The following ABTB3 variants were observed in gnomAD, a reference collection of about 807,000 sequenced individuals.
ABTB3 encodes the protein ankyrin repeat and BTB domain containing 3.
At chr12:107,453,743 A>G in the ABTB3 span, among the ~76,000 whole-genome samples, 1 of 152,254 alleles carries the variant, frequency 6.6e-6, no homozygotes, top group East Asian at 1.9e-4. Flanking sequence ...TGGGAAGAGC[A>G]GTGAAGAGGC....
At chr12:107,655,825 C>T in the ABTB3 span, among the ~76,000 whole-genome samples, 44 of 152,248 alleles carry the variant, frequency 2.9e-4, no homozygotes, top group Non-Finnish European at 4.4e-5. Context: ...CAGGGTGTCT[C>T]TTGAGAAAAA....
the ABTB3 span, among the ~76,000 whole-genome samples, chr12:107,641,110 C>T: frequency 6.6e-6 from 1 of 152,134 alleles, no homozygotes; most frequent in South Asian, 2.1e-4. Context: ...AACTTCCTTC[C>T]AGGAAGTTTG....
At chr12:107,645,509 T>A in the ABTB3 span, among the ~76,000 whole-genome samples, 21,606 of 152,132 alleles carry the variant, frequency 0.14, 1,654 homozygotes, top group South Asian at 0.2. Context: ...CCAGACCTGT[T>A]CTCTTAAATC....
the ABTB3 span, among the ~76,000 whole-genome samples, chr12:107,551,914 G>A: frequency 1.3e-4 from 20 of 152,086 alleles, no homozygotes; most frequent in African/African-American, 2.9e-4. Flanking sequence ...CACCATGCCC[G>A]GCTAATTTTG....
At chr12:107,457,976 T>G in the ABTB3 span, among the ~76,000 whole-genome samples, 7 of 152,350 alleles carry the variant, frequency 4.6e-5, no homozygotes, top group African/African-American at 1.7e-4. Context: ...TCTTCCTTTG[T>G]AAAATAGGAA....
At chr12:107,366,421 A>G in the ABTB3 span, among the ~76,000 whole-genome samples, 5 of 151,898 alleles carry the variant, frequency 3.3e-5, no homozygotes, top group African/African-American at 9.7e-5. Flanking sequence ...AGAGTAAAAA[A>G]GGAAAAAACC....
the ABTB3 span, among the ~76,000 whole-genome samples, chr12:107,505,241 A>T: frequency 1.3e-5 from 2 of 152,224 alleles, no homozygotes; most frequent in African/African-American, 2.4e-5. Context: ...AATTAAAATT[A>T]ATCTGGGAAA....
the ABTB3 span, among the ~76,000 whole-genome samples, chr12:107,402,316 T>C: frequency 6.6e-6 from 1 of 152,206 alleles, no homozygotes; most frequent in African/African-American, 2.4e-5. Flanking sequence ...GCCTCTCATG[T>C]GGGCAAAGGA....
chr12:107,614,709 G>A, the ABTB3 span, among the ~76,000 whole-genome samples: 2 of 152,240 alleles, frequency 1.3e-5, no homozygotes, highest in Admixed American at 6.5e-5. Context: ...CAGAGGAGAA[G>A]TGAAGGAGTC....
At chr12:107,325,493 T>C in the ABTB3 span, among the ~76,000 whole-genome samples, 1 of 152,206 alleles carries the variant, frequency 6.6e-6, no homozygotes, top group Non-Finnish European at 1.5e-5. Flanking sequence ...TAGAGGGTGA[T>C]TTGGTTTTCT....
chr12:107,520,357 A>C, the ABTB3 span: 8 of 1,471,550 alleles, frequency 5.4e-6, no homozygotes, highest in Non-Finnish European at 6.3e-6. Flanking sequence ...GTTGGTTCCT[A>C]CATTGGCTTT....
At chr12:107,387,968 TC>T in the ABTB3 span, among the ~76,000 whole-genome samples, 1 of 137,764 alleles carries the variant, frequency 7.3e-6, no homozygotes, top group Non-Finnish European at 1.6e-5. Flanking sequence ...TTCTTCTTCT[TC>T]TTCTTTTTTT....
chr12:107,374,837 A>G, the ABTB3 span: 2 of 153,854 alleles, frequency 1.3e-5, no homozygotes, highest in Non-Finnish European at 2.9e-5. Context: ...AAATAAGCTA[A>G]TCAAAAAACC....
At chr12:107,585,835 C>T in the ABTB3 span, among the ~76,000 whole-genome samples, 4 of 152,166 alleles carry the variant, frequency 2.6e-5, no homozygotes, top group African/African-American at 9.7e-5. Context: ...ACAGGACATC[C>T]TCTGTGGCCA....
At chr12:107,405,193 G>A in the ABTB3 span, among the ~76,000 whole-genome samples, 1 of 152,182 alleles carries the variant, frequency 6.6e-6, no homozygotes, top group African/African-American at 2.4e-5. Context: ...AGCTCTAGAG[G>A]GCACTAGTCA....
the ABTB3 span, among the ~76,000 whole-genome samples, chr12:107,604,113 G>A: frequency 6.6e-6 from 1 of 152,018 alleles, no homozygotes; most frequent in East Asian, 1.9e-4. Flanking sequence ...AGCTTGCAGT[G>A]AGCCGAGATC....
chr12:107,469,066 G>T, the ABTB3 span, among the ~76,000 whole-genome samples: 1 of 152,196 alleles, frequency 6.6e-6, no homozygotes, highest in African/African-American at 2.4e-5. Flanking sequence ...GTGAGGGCTG[G>T]GTTAAGGGAT....
the ABTB3 span, among the ~76,000 whole-genome samples, chr12:107,489,136 T>G: frequency 6.6e-6 from 1 of 152,218 alleles, no homozygotes; most frequent in Non-Finnish European, 1.5e-5. Flanking sequence ...ATAGTGCTGA[T>G]GAAGGTGTGG....
At chr12:107,632,032 G>T in the ABTB3 span, among the ~76,000 whole-genome samples, 1 of 152,126 alleles carries the variant, frequency 6.6e-6, no homozygotes, top group Admixed American at 6.5e-5. Context: ...AACAAGCATG[G>T]CCAGCCCTTA....
Sources: gnomAD v4.1 joint callset for allele counts (sites outside exome capture counted in the v4.1 genomes callset) on GRCh38, gnomAD v4.1.1 for gene constraint, MANE v1.5 for transcripts, NCBI Gene and HGNC (gene_info 2026-07-23, HGNC 2026-07-21) for gene names.